Variants in PDZD8 observed in about 807,000 individuals in gnomAD.
PDZD8 encodes PDZ domain containing 8, also known as PDZ domain-containing protein 8.
In PDZD8, 14 loss-of-function variants were observed where a neutral mutation model predicts 85.8. The observed-to-expected ratio is 0.16, with a 90% confidence interval of 0.11 to 0.26. The LOEUF (loss-of-function observed/expected upper bound fraction) is 0.26. Among genes scored for constraint, PDZD8 ranks in the 10% least tolerant of loss-of-function variants. The probability of loss-of-function intolerance (pLI) is 1.00; values close to 1 mark genes in which losing one functional copy is unlikely to be tolerated. For missense variants in PDZD8, 1,197 were observed against 1,424.3 expected (o/e 0.84, Z 2.57); for synonymous variants, 592 against 568.6 (o/e 1.04, Z -0.59).
intron 3 of PDZD8, among the ~76,000 whole-genome samples, chr10:117,305,453 CACATATAT>C (rs1438561496): frequency 1.2e-4 from 17 of 141,572 alleles, no homozygotes; most frequent in African/African-American, 4.1e-4. Context: ...CACACACACA[CACATATAT>C]ACACACACAT....
intron 3 of PDZD8, among the ~76,000 whole-genome samples, chr10:117,295,434 C>A (rs989800849): frequency 6.6e-6 from 1 of 152,134 alleles, no homozygotes; most frequent in African/African-American, 2.4e-5. Flanking sequence ...AAAATACATT[C>A]TTTTAAAGTG....
Position 117,285,072 on chromosome 10 carries a change from G to C in PDZD8, c.1661C>G (p.Pro554Arg), listed in dbSNP as rs749127376. ...ATTTCCATCTTTGGACTGAATTTTC[G>C]GTGGTAGTGGGTGACTTCCTACAGC... ...KLAVGSHPLP[P>R]KIQSKDGNKP... Residue 554 changes from proline to arginine, a missense_variant, in exon 5 of 5, where the codon CCG becomes CGG. Coordinates refer to ENST00000334464, the MANE Select transcript of PDZD8 (RefSeq NM_173791.5). The C allele has an allele frequency of 5.0e-6, 8 of 1,613,720 alleles. No individual in the cohort carries two copies. In the East Asian group the frequency reaches 1.3e-4, roughly 27 times the overall value.
intron 3 of PDZD8, among the ~76,000 whole-genome samples, chr10:117,308,346 G>T (rs1186506352): frequency 6.6e-6 from 1 of 151,768 alleles, no homozygotes; most frequent in East Asian, 1.9e-4. Context: ...GATTTAAAAG[G>T]GTCTTATAAA....
intron 1 of PDZD8, among the ~76,000 whole-genome samples, chr10:117,348,429 C>T (rs1249687849): frequency 6.6e-6 from 1 of 152,158 alleles, no homozygotes; most frequent in Non-Finnish European, 1.5e-5. Context: ...AGTAAGAGAT[C>T]TAGTAAATGC....
At chr10:117,352,950 G>A (rs1935167) in intron 1 of PDZD8, among the ~76,000 whole-genome samples, 35,113 of 151,974 alleles carry the variant, frequency 0.23, 4,719 homozygotes, top group East Asian at 0.44. Flanking sequence ...TGAACTCATA[G>A]GGGGCTGAAG....
At chr10:117,349,291 G>A (rs1378532818) in intron 1 of PDZD8, among the ~76,000 whole-genome samples, 1 of 152,036 alleles carries the variant, frequency 6.6e-6, no homozygotes, top group Non-Finnish European at 1.5e-5. Flanking sequence ...GGAATGAGAA[G>A]GGAAAGGAAT....
intron 1 of PDZD8, among the ~76,000 whole-genome samples, chr10:117,373,604 C>CAAAAAAAAAAAAAAAAAAA (rs796930758): frequency 1.9e-5 from 1 of 52,430 alleles, no homozygotes; most frequent in African/African-American, 6.7e-5. Flanking sequence ...CTAAAAAATA[C>CAAAAAAAAAAAAAAAAAAA]AAAAAAAAAA....
intron 1 of PDZD8, among the ~76,000 whole-genome samples, chr10:117,346,870 A>T (rs12262804): frequency 6.6e-6 from 1 of 151,970 alleles, no homozygotes; most frequent in Admixed American, 6.6e-5. Flanking sequence ...TTTTGGGGCT[A>T]TGTAAGTAGC....
chr10:117,367,554 T>TA (rs1293498775), intron 1 of PDZD8, among the ~76,000 whole-genome samples: 1 of 152,150 alleles, frequency 6.6e-6, no homozygotes, highest in East Asian at 1.9e-4. Context: ...AAGCTGAAAT[T>TA]AAAATAATTC....
chr10:117,293,604 C>T (rs1843703301), intron 3 of PDZD8, among the ~76,000 whole-genome samples: 1 of 152,108 alleles, frequency 6.6e-6, no homozygotes, highest in Admixed American at 6.5e-5. Flanking sequence ...TGCAATGTAA[C>T]TTTACTAAAG....
chr10:117,337,292 T>C (rs1317492098), intron 2 of PDZD8, among the ~76,000 whole-genome samples: 3 of 152,172 alleles, frequency 2.0e-5, no homozygotes, highest in African/African-American at 7.2e-5. Context: ...AATTTAAAAA[T>C]AATCATCTTA....
At chr10:117,309,290 T>C (rs1378274984) in intron 3 of PDZD8, among the ~76,000 whole-genome samples, 1 of 152,030 alleles carries the variant, frequency 6.6e-6, no homozygotes, top group Non-Finnish European at 1.5e-5. Flanking sequence ...TTTGCTTTTC[T>C]TTACCCTATA....
intron 3 of PDZD8, among the ~76,000 whole-genome samples, chr10:117,309,515 T>C (rs1317072834): frequency 6.6e-6 from 1 of 152,060 alleles, no homozygotes; most frequent in African/African-American, 2.4e-5. Flanking sequence ...CTTTCTCCTT[T>C]TCCTTCTCCC....
rs1205991090 is a variant in PDZD8, at chr10:117,353,620, T to TTATAC, written c.873-12523_873-12519dup. ...ACTTTTTAAAGGTTTGATAGTGGGA[T>TTATAC]TATACTTTTTTAAAAAAAGACATAT... On this transcript the variant is annotated intron_variant, in intron 1 of 4. Coordinates refer to ENST00000334464, the MANE Select transcript of PDZD8 (RefSeq NM_173791.5). Among the ~76,000 whole-genome samples the TTATAC allele has an allele frequency of 9.9e-5, 15 of 152,256 alleles. No homozygotes were observed. In the South Asian group the frequency reaches 1.7e-3, roughly 17 times the overall value.
intron 3 of PDZD8, among the ~76,000 whole-genome samples, chr10:117,315,829 A>C (rs1014728023): frequency 1.3e-5 from 2 of 152,100 alleles, no homozygotes; most frequent in African/African-American, 4.8e-5. Flanking sequence ...TTTATTTGTA[A>C]GCACTATACA....
At chr10:117,365,434 A>G (rs1845071741) in intron 1 of PDZD8, among the ~76,000 whole-genome samples, 1 of 152,214 alleles carries the variant, frequency 6.6e-6, no homozygotes, top group Admixed American at 6.5e-5. Context: ...ATGGAAGAAT[A>G]GTTCCCGAAT....
Position 117,284,073 on chromosome 10 carries a change from TCAG to T in PDZD8, c.2657_2659del (p.Ala886del), listed in dbSNP as rs1325279466. On this transcript the variant is annotated inframe_deletion, in exon 5 of 5. Coordinates refer to ENST00000334464, the MANE Select transcript of PDZD8 (RefSeq NM_173791.5). ...ATCAGTTGCTCCACAAACAGAAGTC[TCAG>T]CTAGACACTTTTCTTGACATTTTTT... The T allele has an allele frequency of 4.3e-6, 7 of 1,614,138 alleles. No homozygotes were observed. Among genetic ancestry groups the T allele is most frequent in the Non-Finnish European group, 5.9e-6 (7 of 1,180,022 alleles).
At chr10:117,366,778 ACATTTAGGACTTTATAT>A (rs1413838044) in intron 1 of PDZD8, among the ~76,000 whole-genome samples, 5 of 152,200 alleles carry the variant, frequency 3.3e-5, no homozygotes, top group African/African-American at 1.2e-4. Flanking sequence ...AGGACCTTTT[ACATTTAGGACTTTATAT>A]CACTAATCCT....
intron 2 of PDZD8, among the ~76,000 whole-genome samples, chr10:117,327,926 A>G (rs572131605): frequency 2.2e-4 from 34 of 152,306 alleles, no homozygotes; most frequent in African/African-American, 7.9e-4. Flanking sequence ...TGTAGCTTTT[A>G]GTGGATATTC....
Sources: allele counts gnomAD v4.1 joint callset (sites outside exome capture counted in the v4.1 genomes callset), GRCh38; gene constraint gnomAD v4.1.1; transcripts MANE v1.5; gene names NCBI Gene and HGNC (gene_info 2026-07-23, HGNC 2026-07-21).